PGR: variants seen among roughly 807,000 people sequenced by gnomAD.
The protein encoded by PGR is progesterone receptor.
In PGR, 25 loss-of-function variants were observed where a neutral mutation model predicts 76.1. The observed-to-expected ratio is 0.33, with a 90% CI of 0.24 to 0.46. The LOEUF (loss-of-function observed/expected upper bound fraction) is 0.46. Ranked by LOEUF, PGR falls within the 20% of genes least tolerant of loss-of-function variation. The pLI, the probability that PGR is intolerant of heterozygous loss-of-function variation, is 1.00. For missense variants in PGR, 1,172 were observed against 1,225.3 expected (o/e 0.96, Z 0.65); for synonymous variants, 579 against 535.0 (o/e 1.08, Z -1.14).
intron 3 of PGR, among the ~76,000 whole-genome samples, chr11:101,073,607 G>A (rs1029774377): frequency 1.3e-5 from 2 of 151,864 alleles, no homozygotes; most frequent in Non-Finnish European, 2.9e-5. Context: ...AAAGAAGGGA[G>A]AGAAGAATCA....
Position 101,036,411 on chromosome 11 carries a change from T to G in PGR, c.*2705A>C, listed in dbSNP as rs545391159. 4 of 203,106 alleles carry G rather than the reference T, an allele frequency of 2.0e-5. No individual in the cohort carries two copies. The South Asian group carries it at 5.7e-4, about 29-fold the overall frequency. The allele number at this position is 203,106 out of a possible 1,614,324, so 12.6% of individuals were successfully genotyped here. On this transcript the variant is annotated 3_prime_UTR_variant, in exon 8 of 8. Coordinates refer to ENST00000325455, the MANE Select transcript of PGR (RefSeq NM_000926.4). Reference sequence around the variant, plus strand: ...ACCTTTTTACAGAAAATATTTTCATTAACTCAAGAATCTATTTCAGTAACC... The same window carrying G: ...ACCTTTTTACAGAAAATATTTTCATGAACTCAAGAATCTATTTCAGTAACC...
chr11:101,123,171 GTAA>G (rs1182927148), intron 2 of PGR, among the ~76,000 whole-genome samples: 1 of 152,130 alleles, frequency 6.6e-6, no homozygotes, highest in African/African-American at 2.4e-5. Flanking sequence ...TAAAGTGGGA[GTAA>G]TAATAATAAT....
At chr11:101,121,339 T>C (rs989265353) in intron 2 of PGR, among the ~76,000 whole-genome samples, 10 of 152,154 alleles carry the variant, frequency 6.6e-5, no homozygotes, top group Non-Finnish European at 4.4e-5. Flanking sequence ...CTACAAAAGA[T>C]GGAGAAAGCA....
At chr11:101,097,724 G>A (rs372931407) in intron 2 of PGR, among the ~76,000 whole-genome samples, 1 of 149,456 alleles carries the variant, frequency 6.7e-6, no homozygotes, top group Non-Finnish European at 1.5e-5. Context: ...CCTTTTTATA[G>A]TAATAGACCA....
chr11:101,069,095 G>C lies in PGR; in HGVS notation c.1907-6343C>G, dbSNP rs546366234. Reference sequence around the variant, plus strand: ...AGTGAACAGGCAACCTATAGAATGGGAGAAAATCTCTGCAATTTATCCATC... The same window carrying C: ...AGTGAACAGGCAACCTATAGAATGGCAGAAAATCTCTGCAATTTATCCATC... On this transcript the variant is annotated intron_variant, in intron 3 of 7. Transcript: ENST00000325455. Among the ~76,000 whole-genome samples, 9 of 152,182 alleles carry C rather than the reference G, an allele frequency of 5.9e-5. No individual in the cohort carries two copies. In the South Asian group the frequency reaches 1.5e-3, roughly 25 times the overall value.
chr11:101,052,576 C>A (rs543673551), intron 4 of PGR, among the ~76,000 whole-genome samples: 1 of 152,144 alleles, frequency 6.6e-6, no homozygotes, highest in East Asian at 1.9e-4. Context: ...TATTAAGGAG[C>A]AATGGGAGTG....
chr11:101,081,233 G>A (rs1861295771), intron 3 of PGR, among the ~76,000 whole-genome samples: 1 of 151,986 alleles, frequency 6.6e-6, no homozygotes, highest in Admixed American at 6.6e-5. Context: ...TTCAAGACCA[G>A]CCTGGCCAAG....
Position 101,029,813 on chromosome 11 carries a change from C to T in PGR, c.*9303G>A, listed in dbSNP as rs1288352540. On this transcript the variant is annotated 3_prime_UTR_variant, in exon 8 of 8. Coordinates refer to ENST00000325455, the MANE Select transcript of PGR (RefSeq NM_000926.4). ...CACAAAATATTTTCTCTGAAATCTACACTTAGTTTAAAAACAGAGATGGGA... is the reference window on the plus strand; with the variant it reads ...CACAAAATATTTTCTCTGAAATCTATACTTAGTTTAAAAACAGAGATGGGA... 4 of 219,140 alleles carry T rather than the reference C, an allele frequency of 1.8e-5. No homozygotes were observed. Among genetic ancestry groups the T allele is most frequent in the Non-Finnish European group, 3.7e-5 (4 of 109,334 alleles). 13.6% of individuals were successfully genotyped at this position (219,140 alleles called of 1,614,324 possible). A position where few individuals can be genotyped will look rare whatever the true frequency, so the allele number is the denominator to read the frequency against.
At chr11:101,073,958 G>A (rs1861033476) in intron 3 of PGR, among the ~76,000 whole-genome samples, 1 of 152,036 alleles carries the variant, frequency 6.6e-6, no homozygotes, top group African/African-American at 2.4e-5. Context: ...AGAAAAAGAG[G>A]GAATCCTCCC....
intron 3 of PGR, among the ~76,000 whole-genome samples, chr11:101,084,946 A>G (rs1463926001): frequency 6.6e-6 from 1 of 152,228 alleles, no homozygotes; most frequent in Non-Finnish European, 1.5e-5. Flanking sequence ...CAACACTGGC[A>G]CACCCAGATT....
At chr11:101,102,879 A>G (rs1862039661) in intron 2 of PGR, among the ~76,000 whole-genome samples, 1 of 148,298 alleles carries the variant, frequency 6.7e-6, no homozygotes. Flanking sequence ...GGGTTGGGGG[A>G]AGCGGTGATT....
intron 3 of PGR, among the ~76,000 whole-genome samples, chr11:101,090,526 T>C (rs11224585): frequency 0.029 from 4,463 of 152,304 alleles, 99 homozygotes; most frequent in Non-Finnish European, 0.043. Context: ...GAAAAAGTTG[T>C]ATTTTCTAAA....
At chr11:101,108,021 A>C (rs1283843547) in intron 2 of PGR, among the ~76,000 whole-genome samples, 1 of 151,616 alleles carries the variant, frequency 6.6e-6, no homozygotes, top group Admixed American at 6.6e-5. Flanking sequence ...TGGGAGGCTG[A>C]GGCAGGCAGA....
chr11:101,118,213 C>T (rs796631197), intron 2 of PGR, among the ~76,000 whole-genome samples: 10 of 152,298 alleles, frequency 6.6e-5, no homozygotes, highest in African/African-American at 2.4e-4. Flanking sequence ...CAAATCTTAT[C>T]TGTAAAATGA....
intron 2 of PGR, among the ~76,000 whole-genome samples, chr11:101,113,281 T>C (rs1369822502): frequency 1.3e-5 from 2 of 150,992 alleles, no homozygotes; most frequent in South Asian, 2.1e-4. Flanking sequence ...TTTTTTTTTT[T>C]CCCAGAGTCT....
intron 3 of PGR, among the ~76,000 whole-genome samples, chr11:101,086,755 C>T (rs183627858): frequency 6.6e-6 from 1 of 152,168 alleles, no homozygotes; most frequent in Admixed American, 6.5e-5. Flanking sequence ...ACAAAATGAA[C>T]ATGTAAAAAT....
chr11:101,107,925 C>T (rs1862224409), intron 2 of PGR, among the ~76,000 whole-genome samples: 1 of 146,216 alleles, frequency 6.8e-6, no homozygotes, highest in African/African-American at 2.5e-5. Context: ...TAACATTTTC[C>T]TAAATGTTAT....
At chr11:101,050,979 G>A (rs1860067745) in intron 5 of PGR, 1 of 235,798 alleles carries the variant, frequency 4.2e-6, no homozygotes, top group South Asian at 4.9e-5. Context: ...GTTAAAGGTT[G>A]TAGGTAGAAA....
chr11:101,075,250 G>A (rs1336468198), intron 3 of PGR, among the ~76,000 whole-genome samples: 1 of 152,064 alleles, frequency 6.6e-6, no homozygotes, highest in Non-Finnish European at 1.5e-5. Flanking sequence ...ATGGTGTTGG[G>A]GAAACTGGCT....
Sources: gnomAD v4.1 joint callset for allele counts (sites outside exome capture counted in the v4.1 genomes callset) on GRCh38, gnomAD v4.1.1 for gene constraint, MANE v1.5 for transcripts, NCBI Gene and HGNC (gene_info 2026-07-23, HGNC 2026-07-21) for gene names.